Variants in XDH observed in about 807,000 individuals in gnomAD.
XDH encodes the protein xanthine dehydrogenase.
Under a neutral mutation model 156.1 loss-of-function variants are expected in XDH, and 138 were observed. The observed-to-expected ratio is 0.88, with a 90% CI of 0.77 to 1.02. The LOEUF is 1.02. Ranked by LOEUF, XDH falls within the 50% of genes least tolerant of loss-of-function variation. The probability of loss-of-function intolerance (pLI) is 0.00; values close to 1 mark genes in which losing one functional copy is unlikely to be tolerated. For synonymous variants in XDH, 669 were observed against 625.7 expected, an observed-to-expected ratio of 1.07 and a Z score of -1.03; for missense variants, 1,849 against 1,684.9, an observed-to-expected ratio of 1.10 and a Z score of -1.71.
chr2:31,371,192 C>T (rs1036054940), intron 17 of XDH, among the ~76,000 whole-genome samples: 1 of 152,130 alleles, frequency 6.6e-6, no homozygotes, highest in Non-Finnish European at 1.5e-5. Context: ...ACTCATCACA[C>T]TGGCACATGC....
rs191794103 is a variant in XDH at position 31,406,601 on chromosome 2, T to A, written c.43-637A>T. Among the ~76,000 whole-genome samples, 30 of 152,312 alleles carry A rather than the reference T, an allele frequency of 2.0e-4. No homozygotes were observed. In the East Asian group the frequency reaches 3.9e-3, roughly 20 times the overall value. On this transcript the variant is annotated intron_variant, in intron 1 of 35. Coordinates refer to ENST00000379416, the MANE Select transcript of XDH (RefSeq NM_000379.4). ...AAATTCTAAAATTGTACCTCAATGCTCACCTTGGGACCCACCACAGAACAT... is the reference window on the plus strand; with the variant it reads ...AAATTCTAAAATTGTACCTCAATGCACACCTTGGGACCCACCACAGAACAT...
chr2:31,383,638 G>C, intron 10 of XDH, 117 bp downstream of exon 10: 1 of 944,466 alleles, frequency 1.1e-6, no homozygotes, highest in Non-Finnish European at 1.7e-6. Context: ...TGAGCCCCAG[G>C]AGAAGCAGGG....
chr2:31,357,674 T>A (rs1685661278), intron 24 of XDH, among the ~76,000 whole-genome samples: 1 of 151,866 alleles, frequency 6.6e-6, no homozygotes, highest in African/African-American at 2.4e-5. Context: ...TATATGATAA[T>A]TTATCGTATA....
At position 31,368,017 on chromosome 2, in the gene XDH, T is replaced by C; in HGVS notation, c.2141A>G (p.Lys714Arg). 1 of 1,614,176 alleles carries C rather than the reference T, an allele frequency of 6.2e-7. No homozygotes were observed. The highest frequency in any genetic ancestry group is 8.5e-7 in the Non-Finnish European group (1 of 1,180,004). ...CTTCTTTAGGTCCCCTTTCTCGATC[T>C]TCAGCTCAGGTCCATAAAAGGAGTT... Reference protein sequence around the residue: ...KNNSFYGPELKIEKGDLKKGF... With the variant: ...KNNSFYGPELRIEKGDLKKGF... The change falls in exon 20 of 36, where the codon AAG becomes AGG. Residue 714 changes from lysine to arginine, a missense_variant. Physicochemically the swap from Lys to Arg is conservative, Grantham distance 26. Coordinates refer to ENST00000379416, the MANE Select transcript of XDH (RefSeq NM_000379.4).
At chr2:31,384,226 CTTAA>C (rs1206115057) in intron 9 of XDH, 4 of 277,880 alleles carry the variant, frequency 1.4e-5, no homozygotes, top group East Asian at 8.5e-5. Flanking sequence ...CCTATTTTAA[CTTAA>C]TTAATGCTCA....
At chr2:31,378,127 G>GAAAGAAAGAAAGAAAGAAAGAAA in intron 13 of XDH, among the ~76,000 whole-genome samples, 1 of 47,960 alleles carries the variant, frequency 2.1e-5, no homozygotes, top group African/African-American at 7.4e-5. Flanking sequence ...AGGAAGGAAG[G>GAAAGAAAGAAAGAAAGAAAGAAA]AAGGAAGGAA....
intron 13 of XDH, among the ~76,000 whole-genome samples, chr2:31,379,339 T>A (rs1686366989): frequency 6.6e-6 from 1 of 152,202 alleles, no homozygotes; most frequent in Admixed American, 6.5e-5. Context: ...GGTCAGCGTA[T>A]GAGGGTCTGA....
rs748790878 is a variant in XDH, at chr2:31,398,742, C to T, written c.307-43G>A. The T allele has an allele frequency of 9.3e-6, 15 of 1,610,914 alleles. No individual in the cohort carries two copies. The South Asian group carries it at 1.7e-4, about 18-fold the overall frequency. The stretch of plus-strand genomic sequence containing the variant: ...CATAGACACCTGGGATGGCAGAACC[C>T]TCCCAGGCTCCCCAAAGGACTCGAC... On this transcript the variant is annotated intron_variant, in intron 4 of 35. Transcript: ENST00000379416.
At chr2:31,406,475 C>T (rs1053566210) in intron 1 of XDH, among the ~76,000 whole-genome samples, 2 of 152,176 alleles carry the variant, frequency 1.3e-5, no homozygotes, top group Non-Finnish European at 2.9e-5. Context: ...TGGCCTAATA[C>T]AATGTGCTAA....
At chr2:31,343,887 T>C (rs1273845886) in intron 31 of XDH, among the ~76,000 whole-genome samples, 1 of 151,902 alleles carries the variant, frequency 6.6e-6, no homozygotes, top group East Asian at 1.9e-4. Flanking sequence ...GAAATGTTTA[T>C]ACATATATAT....
intron 4 of XDH, among the ~76,000 whole-genome samples, chr2:31,399,192 C>T (rs62142918): frequency 3.9e-5 from 6 of 152,134 alleles, no homozygotes; most frequent in Non-Finnish European, 7.3e-5. Flanking sequence ...GGAAGGAAGC[C>T]ATTAGGAAAA....
Position 31,388,290 on chromosome 2 carries a change from AC to A in XDH, c.500del (p.Gly167ValfsTer15), listed in dbSNP as rs45462996. The A allele has an allele frequency of 1.2e-6, 2 of 1,614,158 alleles. No individual in the cohort carries two copies. The highest frequency in any genetic ancestry group is 4.5e-5 in the East Asian group (2 of 44,876). ...TATTCCCATCTCCTCCACAGCATCC[AC>A]CATCCTAGAGAGATGATGAACATCT... Reference protein sequence around the residue: ...LQGFRTFARDGGCCGGDGNNP... With the variant: ...LQGFRTFARDXGCCGGDGNNP... On this transcript the variant is annotated frameshift_variant, in exon 7 of 36. Transcript: ENST00000379416. LOFTEE classifies it high-confidence loss of function.
intron 23 of XDH, among the ~76,000 whole-genome samples, chr2:31,365,103 G>C (rs1249741382): frequency 2.0e-5 from 3 of 152,178 alleles, no homozygotes; most frequent in African/African-American, 7.2e-5. Context: ...TTACTAAGCT[G>C]TCATTCCAAT....
chr2:31,393,446 C>T (rs75840614), intron 6 of XDH, among the ~76,000 whole-genome samples: 8,762 of 152,168 alleles, frequency 0.058, 336 homozygotes, highest in African/African-American at 0.1. Context: ...CACTTTCTTT[C>T]GATTAGTATA....
chr2:31,381,802 C>T, intron 11 of XDH, 76 bp from the exon 12 acceptor site: 1 of 1,378,332 alleles, frequency 7.3e-7, no homozygotes, highest in South Asian at 1.2e-5. Context: ...CCTGAACATA[C>T]CAGCCAGGTG....
At chr2:31,405,830 AG>A in intron 2 of XDH, 76 bp downstream of exon 2, 6 of 1,558,714 alleles carry the variant, frequency 3.8e-6, no homozygotes, top group Non-Finnish European at 5.3e-6. Flanking sequence ...ACCAGTCACT[AG>A]GAAACAATGT....
At chr2:31,352,174 A>G (rs537727710) in intron 24 of XDH, among the ~76,000 whole-genome samples, 21 of 151,940 alleles carry the variant, frequency 1.4e-4, no homozygotes, top group South Asian at 1.2e-3. Flanking sequence ...ATTTTTTCAC[A>G]TTGTTTTCCA....
chr2:31,397,802 G>A, intron 5 of XDH, 73 bp from the exon 6 acceptor site: 2 of 1,565,950 alleles, frequency 1.3e-6, no homozygotes, highest in African/African-American at 1.4e-5. Flanking sequence ...GACTTTGCTT[G>A]CAACTAAGTT....
At chr2:31,338,110 C>T (rs1344816816) in intron 34 of XDH, among the ~76,000 whole-genome samples, 9 of 152,236 alleles carry the variant, frequency 5.9e-5, no homozygotes, top group African/African-American at 1.9e-4. Context: ...TAAAGTTATA[C>T]TCGGTAATTG....
Sources: gnomAD v4.1 joint callset for allele counts (sites outside exome capture counted in the v4.1 genomes callset) on GRCh38, gnomAD v4.1.1 for gene constraint, MANE v1.5 for transcripts, NCBI Gene and HGNC (gene_info 2026-07-23, HGNC 2026-07-21) for gene names.